Variants in MRAP2 observed in about 807,000 individuals in gnomAD.
The protein encoded by MRAP2 is melanocortin-2 receptor accessory protein 2.
Under a neutral mutation model 17.4 loss-of-function variants are expected in MRAP2, and 20 were observed. That is an observed-to-expected ratio of 1.15 (90% CI 0.81 to 1.67). MRAP2 has a LOEUF of 1.67. Among genes scored for constraint, MRAP2 ranks in the 40% most tolerant of loss-of-function variants. The pLI, the probability that MRAP2 is intolerant of heterozygous loss-of-function variation, is 0.00. For missense variants in MRAP2, 238 were observed against 240.0 expected (o/e 0.99, Z 0.05); for synonymous variants, 96 against 88.4 (o/e 1.09, Z -0.48).
At chr6:84,074,892 T>G (rs1350937833) in intron 3 of MRAP2, among the ~76,000 whole-genome samples, 3 of 152,206 alleles carry the variant, frequency 2.0e-5, no homozygotes. Context: ...CCCTGAATTT[T>G]TTGACCTGGG....
At chr6:84,117,766 C>T in the MRAP2 span, among the ~76,000 whole-genome samples, 1 of 151,848 alleles carries the variant, frequency 6.6e-6, no homozygotes, top group Non-Finnish European at 1.5e-5. Flanking sequence ...TGCTCCAGAT[C>T]CTAGTCATCT....
At chr6:84,033,729 G>A (rs1386952350), upstream of MRAP2, 10 of 985,168 alleles carry the variant, frequency 1.0e-5, no homozygotes, top group African/African-American at 5.2e-5. Context: ...CTCCGCTGCG[G>A]GTCGGGAGCG....
intron 3 of MRAP2, among the ~76,000 whole-genome samples, chr6:84,083,693 T>G (rs540087260): frequency 1.1e-4 from 16 of 152,318 alleles, no homozygotes; most frequent in Non-Finnish European, 1.9e-4. Flanking sequence ...TTAAGTAATG[T>G]GAACTAAAAA....
At chr6:84,126,378 C>G in the MRAP2 span, 1 of 1,579,230 alleles carries the variant, frequency 6.3e-7, no homozygotes, top group Non-Finnish European at 8.6e-7. Flanking sequence ...TTTACTTTAC[C>G]TGTTGAAGTT....
chr6:84,095,166 G>A (rs2099502454), downstream of MRAP2, among the ~76,000 whole-genome samples: 1 of 152,162 alleles, frequency 6.6e-6, no homozygotes, highest in African/African-American at 2.4e-5. Flanking sequence ...CTGAGCTTAG[G>A]GGAACCCTGT....
the MRAP2 span, among the ~76,000 whole-genome samples, chr6:84,115,652 A>G: frequency 2.0e-5 from 3 of 152,052 alleles, no homozygotes; most frequent in Admixed American, 6.5e-5. Context: ...CAGCTAGCTC[A>G]GTGTCTGCCC....
the MRAP2 span, among the ~76,000 whole-genome samples, chr6:84,136,996 A>T: frequency 2.0e-5 from 3 of 152,176 alleles, no homozygotes; most frequent in Non-Finnish European, 2.9e-5. Flanking sequence ...TGACTCTTGT[A>T]ACTGAGCATG....
chr6:84,099,327 A>T, the MRAP2 span, among the ~76,000 whole-genome samples: 25 of 151,374 alleles, frequency 1.7e-4, no homozygotes, highest in South Asian at 2.1e-3. Context: ...TTATTTTTAA[A>T]TTTTTTTTAC....
chr6:84,038,785 G>T (rs1313340511), intron 1 of MRAP2, among the ~76,000 whole-genome samples: 1 of 152,246 alleles, frequency 6.6e-6, no homozygotes, highest in African/African-American at 2.4e-5. Flanking sequence ...GTGAGCCACT[G>T]TGACTGGCCT....
chr6:84,134,578 G>A, the MRAP2 span, among the ~76,000 whole-genome samples: 16 of 151,956 alleles, frequency 1.1e-4, no homozygotes, highest in Admixed American at 2.6e-4. Context: ...AGTCCCTCAC[G>A]GCTTCCCTTG....
At chr6:84,126,314 A>C in the MRAP2 span, 1 of 1,242,760 alleles carries the variant, frequency 8.0e-7, no homozygotes, top group South Asian at 2.1e-5. Context: ...TGACAAAACT[A>C]TAGCAAATTA....
chr6:84,099,052 C>T, the MRAP2 span, among the ~76,000 whole-genome samples: 1 of 149,442 alleles, frequency 6.7e-6, no homozygotes, highest in African/African-American at 2.5e-5. Context: ...TAATCCTATG[C>T]TTTTTTTTTC....
chr6:84,133,078 C>T, the MRAP2 span, among the ~76,000 whole-genome samples: 10 of 152,206 alleles, frequency 6.6e-5, no homozygotes, highest in East Asian at 3.9e-4. Flanking sequence ...TCCTTCTAAC[C>T]GTCAGGACCC....
intron 1 of MRAP2, among the ~76,000 whole-genome samples, chr6:84,043,803 A>G (rs2099488281): frequency 6.6e-6 from 1 of 152,176 alleles, no homozygotes; most frequent in Non-Finnish European, 1.5e-5. Flanking sequence ...TAAATCTTTC[A>G]TGGTTAAGTA....
At chr6:84,063,404 G>T (rs2099493689) in intron 3 of MRAP2, 1 of 985,370 alleles carries the variant, frequency 1.0e-6, no homozygotes, top group South Asian at 4.7e-5. Flanking sequence ...TCAAGAAGCA[G>T]AGTAATAGTT....
chr6:84,055,559 T>C (rs1244533396), intron 2 of MRAP2, 114 bp downstream of exon 2: 1 of 1,042,196 alleles, frequency 9.6e-7, no homozygotes, highest in Non-Finnish European at 1.4e-6. Flanking sequence ...CTCTCTGTCC[T>C]CTACCTCCCA....
chr6:84,042,847 A>G (rs1437197944), intron 1 of MRAP2, among the ~76,000 whole-genome samples: 2 of 152,206 alleles, frequency 1.3e-5, no homozygotes, highest in African/African-American at 4.8e-5. Context: ...CAGCTTTTCT[A>G]CTGCTGTGTC....
intron 1 of MRAP2, among the ~76,000 whole-genome samples, chr6:84,051,205 T>A (rs1216413870): frequency 6.6e-6 from 1 of 152,238 alleles, no homozygotes; most frequent in Non-Finnish European, 1.5e-5. Context: ...AAGTTCTATG[T>A]CTGAGTACAT....
At chr6:84,058,609 G>A (rs573252065) in intron 2 of MRAP2, among the ~76,000 whole-genome samples, 2 of 152,262 alleles carry the variant, frequency 1.3e-5, no homozygotes, top group South Asian at 2.1e-4. Context: ...AACGGTATGC[G>A]TTCAAAGCCA....
Sources: allele counts gnomAD v4.1 joint callset (sites outside exome capture counted in the v4.1 genomes callset), GRCh38; gene constraint gnomAD v4.1.1; transcripts MANE v1.5; gene names NCBI Gene and HGNC (gene_info 2026-07-23, HGNC 2026-07-21).